IFT43: variants seen among roughly 807,000 people sequenced by gnomAD.
The protein encoded by IFT43 is intraflagellar transport protein 43 homolog.
IFT43 carries 33 observed loss-of-function variants against 32.3 expected under a neutral mutation model. The observed-to-expected ratio is 1.02, with a 90% CI of 0.77 to 1.37. The LOEUF is 1.37. Ranked by LOEUF, IFT43 falls within the 40% of genes most tolerant of loss-of-function variation. IFT43 has a pLI of 0.00. For synonymous variants in IFT43, 93 were observed against 98.2 expected (o/e 0.95, Z 0.31); for missense variants, 274 against 265.9 (o/e 1.03, Z -0.21).
intron 5 of IFT43, among the ~76,000 whole-genome samples, chr14:76,073,801 A>G (rs2037364787): frequency 2.0e-5 from 3 of 152,164 alleles, no homozygotes; most frequent in Admixed American, 2.0e-4. Context: ...CAGCGGAGGG[A>G]CAGAGAAAGA....
At chr14:76,031,732 G>T (rs1384125493) in intron 3 of IFT43, among the ~76,000 whole-genome samples, 1 of 152,192 alleles carries the variant, frequency 6.6e-6, no homozygotes, top group East Asian at 1.9e-4. Context: ...CTTGGAGAAA[G>T]AAGCTTTTCC....
chr14:76,028,334 A>G (rs942207977), intron 3 of IFT43, among the ~76,000 whole-genome samples: 2 of 152,202 alleles, frequency 1.3e-5, no homozygotes, highest in Non-Finnish European at 2.9e-5. Context: ...AGGGATTGCA[A>G]AATTTTAACT....
intron 3 of IFT43, among the ~76,000 whole-genome samples, chr14:76,037,177 G>T (rs2036615419): frequency 1.4e-5 from 1 of 73,886 alleles, no homozygotes; most frequent in African/African-American, 5.2e-5. Context: ...TGATAGTTAG[G>T]TGTAGCTCTA....
intron 1 of IFT43, among the ~76,000 whole-genome samples, chr14:75,987,364 C>T (rs947570714): frequency 3.3e-5 from 5 of 152,154 alleles, no homozygotes; most frequent in Admixed American, 2.6e-4. Context: ...TTTGAAGTGT[C>T]GACATTGCAT....
At chr14:76,074,874 T>A (rs1386430245) in intron 5 of IFT43, among the ~76,000 whole-genome samples, 4 of 151,980 alleles carry the variant, frequency 2.6e-5, no homozygotes, top group African/African-American at 9.7e-5. Flanking sequence ...CAAACCCCCC[T>A]CCCCAACCCA....
At chr14:76,033,854 G>C (rs1212672281) in intron 3 of IFT43, among the ~76,000 whole-genome samples, 1 of 152,212 alleles carries the variant, frequency 6.6e-6, no homozygotes, top group Non-Finnish European at 1.5e-5. Context: ...TAGTAAGTGA[G>C]GAACAAATGA....
chr14:76,067,393 T>A (rs2037243093), intron 5 of IFT43, among the ~76,000 whole-genome samples: 1 of 151,870 alleles, frequency 6.6e-6, no homozygotes, highest in South Asian at 2.1e-4. Context: ...TGGTGAAATC[T>A]TGTCTCTACT....
At chr14:76,056,648 T>C (rs2037022809) in intron 3 of IFT43, among the ~76,000 whole-genome samples, 1 of 152,220 alleles carries the variant, frequency 6.6e-6, no homozygotes, top group Non-Finnish European at 1.5e-5. Flanking sequence ...GCCTCTTTAA[T>C]CCCGGGATTC....
rs1422124450 is a variant in IFT43, at chr14:75,994,235, T to G, written c.147+5258T>G. On this transcript the variant is annotated intron_variant, in intron 2 of 8. Transcript: ENST00000314067. ...ATGCCCTAAGTTCCAGGATATCTGATTCAGTGGCCTCTTCTTGATCTTTTC... is the reference window on the plus strand; with the variant it reads ...ATGCCCTAAGTTCCAGGATATCTGAGTCAGTGGCCTCTTCTTGATCTTTTC... 2.6e-5 allele frequency among the ~76,000 whole-genome samples: 4 copies of G among 152,188 alleles called. No homozygotes were observed. The East Asian group carries it at 7.7e-4, about 29-fold the overall frequency.
intron 5 of IFT43, among the ~76,000 whole-genome samples, chr14:76,070,586 A>T (rs1169323861): frequency 6.6e-6 from 1 of 152,120 alleles, no homozygotes; most frequent in East Asian, 1.9e-4. Flanking sequence ...ACTTGATATC[A>T]TTTAGATATG....
chr14:76,064,361 G>A (rs1392953522), intron 5 of IFT43, among the ~76,000 whole-genome samples: 8 of 152,180 alleles, frequency 5.3e-5, no homozygotes, highest in Admixed American at 1.3e-4. Context: ...GCCTGTCATC[G>A]CAGACTGCTT....
chr14:76,078,438 T>G (rs1399497434), intron 5 of IFT43, among the ~76,000 whole-genome samples: 3 of 152,222 alleles, frequency 2.0e-5, no homozygotes, highest in Admixed American at 2.0e-4. Flanking sequence ...TGGTGCCCCA[T>G]GAAGACAGGG....
chr14:75,992,779 G>A (rs572753490), intron 2 of IFT43, among the ~76,000 whole-genome samples: 9 of 152,156 alleles, frequency 5.9e-5, no homozygotes, highest in African/African-American at 1.4e-4. Context: ...GGCCTCAATC[G>A]ATCCTCCTGC....
At chr14:76,044,308 G>A (rs987443428) in intron 3 of IFT43, among the ~76,000 whole-genome samples, 13 of 152,046 alleles carry the variant, frequency 8.6e-5, no homozygotes, top group Non-Finnish European at 1.3e-4. Context: ...CCAAAGTGTC[G>A]GGATTACAGG....
In IFT43 at chr14:76,041,252, G is replaced by A. The variant is rs543136889; in HGVS notation, c.216-17390G>A. On this transcript the variant is annotated intron_variant, in intron 3 of 8. Coordinates refer to ENST00000314067, the MANE Select transcript of IFT43 (RefSeq NM_001102564.3). The stretch of plus-strand genomic sequence containing the variant: ...GAAAATGCTCTGGTGACTACAGCAG[G>A]TCAATTATTGGAGCCAAGAGTAGTA... Among the ~76,000 whole-genome samples, 16 of 152,346 alleles carry A rather than the reference G, an allele frequency of 1.1e-4. No homozygotes were observed. The South Asian group carries it at 3.1e-3, about 30-fold the overall frequency.
At chr14:76,004,742 T>G (rs538579346) in intron 2 of IFT43, among the ~76,000 whole-genome samples, 2 of 152,314 alleles carry the variant, frequency 1.3e-5, no homozygotes, top group South Asian at 2.1e-4. Flanking sequence ...TTTTCCTATC[T>G]TTTGTCCTTT....
chr14:76,004,103 G>A (rs889898197), intron 2 of IFT43, among the ~76,000 whole-genome samples: 3 of 152,134 alleles, frequency 2.0e-5, no homozygotes, highest in African/African-American at 7.2e-5. Flanking sequence ...TTAAACAGTT[G>A]TCACTGAGAG....
chr14:76,052,698 G>A (rs1268032595), intron 3 of IFT43, among the ~76,000 whole-genome samples: 2 of 152,182 alleles, frequency 1.3e-5, no homozygotes. Context: ...GATTACATTT[G>A]AGCAAAAGAA....
intron 1 of IFT43, chr14:75,986,287 G>T (rs2035525665): frequency 3.2e-6 from 4 of 1,262,126 alleles, no homozygotes; most frequent in Non-Finnish European, 4.1e-6. Flanking sequence ...AGGGAGGCAG[G>T]CAGGGACGGC....
Sources: gnomAD v4.1 joint callset for allele counts (sites outside exome capture counted in the v4.1 genomes callset) on GRCh38, gnomAD v4.1.1 for gene constraint, MANE v1.5 for transcripts, NCBI Gene and HGNC (gene_info 2026-07-23, HGNC 2026-07-21) for gene names.